The following RGS17 variants were observed in gnomAD, a reference collection of about 807,000 sequenced individuals.
RGS17 encodes the protein regulator of G protein signaling 17.
A neutral mutation model predicts 25.5 loss-of-function variants in RGS17; 12 were observed. That is an observed-to-expected ratio of 0.47 (90% confidence interval 0.30 to 0.76). RGS17 has a LOEUF of 0.76. RGS17 is among the 30% of genes least tolerant of loss of function. RGS17 has a pLI of 0.07. For missense variants in RGS17, 196 were observed against 242.2 expected (o/e 0.81, Z 1.27); for synonymous variants, 71 against 76.9 (o/e 0.92, Z 0.40).
chr6:153,125,461 T>C (rs1777690979), intron 1 of RGS17, among the ~76,000 whole-genome samples: 1 of 152,226 alleles, frequency 6.6e-6, no homozygotes, highest in African/African-American at 2.4e-5. Context: ...AAATAGATTT[T>C]ATTTTCCACC....
At chr6:153,119,736 T>A (rs188869768) in intron 1 of RGS17, among the ~76,000 whole-genome samples, 1 of 152,314 alleles carries the variant, frequency 6.6e-6, no homozygotes, top group East Asian at 1.9e-4. Flanking sequence ...GGCAACATCT[T>A]TGTGATACAT....
chr6:153,088,783 G>A (rs1562330721), intron 1 of RGS17, among the ~76,000 whole-genome samples: 1 of 152,028 alleles, frequency 6.6e-6, no homozygotes, highest in African/African-American at 2.4e-5. Flanking sequence ...AACTGTGCAG[G>A]TAGCTTATTT....
intron 1 of RGS17, among the ~76,000 whole-genome samples, chr6:153,084,596 G>A (rs772725615): frequency 1.3e-5 from 2 of 152,208 alleles, no homozygotes; most frequent in Non-Finnish European, 2.9e-5. Flanking sequence ...GCAGGGTTAA[G>A]GGAGGAAATT....
intron 4 of RGS17, among the ~76,000 whole-genome samples, chr6:153,016,494 G>A (rs935853124): frequency 1.4e-4 from 22 of 152,166 alleles, no homozygotes; most frequent in African/African-American, 4.6e-4. Flanking sequence ...TAAATATAGT[G>A]TAAAAGTTTC....
At chr6:153,106,728 C>T (rs762027914) in intron 1 of RGS17, among the ~76,000 whole-genome samples, 7 of 151,918 alleles carry the variant, frequency 4.6e-5, no homozygotes, top group Non-Finnish European at 5.9e-5. Flanking sequence ...TTACAACCTC[C>T]ACCTCCCGGT....
intron 4 of RGS17, 142 bp from the exon 5 acceptor site, chr6:153,011,904 T>C: frequency 1.7e-6 from 1 of 581,124 alleles, no homozygotes; most frequent in Non-Finnish European, 2.9e-6. Flanking sequence ...CTTTTGAGAC[T>C]ACACAACCTT....
At chr6:153,016,427 C>A (rs1005773596) in intron 4 of RGS17, among the ~76,000 whole-genome samples, 3 of 151,824 alleles carry the variant, frequency 2.0e-5, no homozygotes, top group Non-Finnish European at 4.4e-5. Flanking sequence ...GAGCAGGAAA[C>A]CTTACATTAG....
At chr6:153,125,716 C>T (rs1312893691) in intron 1 of RGS17, among the ~76,000 whole-genome samples, 1 of 152,032 alleles carries the variant, frequency 6.6e-6, no homozygotes, top group Non-Finnish European at 1.5e-5. Context: ...AGCTGGGCGT[C>T]GTGGTACACA....
chr6:153,036,523 C>T (rs932701391), intron 2 of RGS17, among the ~76,000 whole-genome samples: 12 of 152,180 alleles, frequency 7.9e-5, no homozygotes, highest in Admixed American at 5.9e-4. Flanking sequence ...TCATCTCTTG[C>T]AACTGATGAG....
At chr6:153,118,259 T>G (rs1194409821) in intron 1 of RGS17, among the ~76,000 whole-genome samples, 1 of 152,202 alleles carries the variant, frequency 6.6e-6, no homozygotes, top group East Asian at 1.9e-4. Context: ...CAAGAAATAT[T>G]ACTGCCTTAT....
chr6:153,103,640 G>T (rs1268879841), intron 1 of RGS17, among the ~76,000 whole-genome samples: 1 of 152,180 alleles, frequency 6.6e-6, no homozygotes, highest in Non-Finnish European at 1.5e-5. Context: ...AAAACCAAAT[G>T]CCAGCCTATT....
At chr6:153,091,591 C>A (rs971089180) in intron 1 of RGS17, among the ~76,000 whole-genome samples, 9 of 152,052 alleles carry the variant, frequency 5.9e-5, no homozygotes, top group African/African-American at 2.2e-4. Context: ...TGGCTCACTG[C>A]AAACTCTGTC....
chr6:153,023,391 C>A, intron 4 of RGS17: 1 of 510,304 alleles, frequency 2.0e-6, no homozygotes, highest in South Asian at 1.4e-5. Flanking sequence ...TTCTAGGAAC[C>A]TCTATGTTCT....
intron 2 of RGS17, among the ~76,000 whole-genome samples, chr6:153,030,977 A>G (rs544079452): frequency 2.6e-5 from 4 of 152,192 alleles, no homozygotes; most frequent in Non-Finnish European, 5.9e-5. Context: ...TAAAGATTAA[A>G]TTGGGTTGAA....
intron 1 of RGS17, among the ~76,000 whole-genome samples, chr6:153,070,683 G>A (rs1776777851): frequency 8.7e-6 from 1 of 115,570 alleles, no homozygotes. Context: ...TTGTGTGTGT[G>A]TGTGTGTGTG....
At chr6:153,085,919 G>T (rs1040584842) in intron 1 of RGS17, among the ~76,000 whole-genome samples, 2 of 151,822 alleles carry the variant, frequency 1.3e-5, no homozygotes, top group African/African-American at 4.8e-5. Context: ...TGTAGAGGGG[G>T]CAGGCTGTCC....
At chr6:153,125,626 G>A (rs1281968) in intron 1 of RGS17, among the ~76,000 whole-genome samples, 15,822 of 152,158 alleles carry the variant, frequency 0.1, 884 homozygotes, top group Admixed American at 0.15. Context: ...CAGCACTTTG[G>A]GAGGCTGAGG....
intron 2 of RGS17, among the ~76,000 whole-genome samples, chr6:153,039,987 T>TGCAG (rs1246324520): frequency 6.6e-6 from 1 of 152,190 alleles, no homozygotes; most frequent in Non-Finnish European, 1.5e-5. Context: ...ACCTTGAACC[T>TGCAG]GTAGACAAAT....
rs1776571898 is a variant in RGS17, at chr6:153,057,103, A to T, written c.-25-13060T>A. ...AAGTATCCCTCACAGAGGAAGGGAA[A>T]AATTAAGTCTGAATGACCTGCTGCA... On this transcript the variant is annotated intron_variant, in intron 1 of 4. Transcript: ENST00000206262. Among the ~76,000 whole-genome samples, 6 of 152,146 alleles carry T rather than the reference A, an allele frequency of 3.9e-5. No individual in the cohort carries two copies. In the South Asian group the frequency reaches 1.2e-3, roughly 32 times the overall value.
Sources: allele counts gnomAD v4.1 joint callset (sites outside exome capture counted in the v4.1 genomes callset), GRCh38; gene constraint gnomAD v4.1.1; transcripts MANE v1.5; gene names NCBI Gene and HGNC (gene_info 2026-07-23, HGNC 2026-07-21).